Variants in PLCXD3 observed in about 807,000 individuals in gnomAD.
PLCXD3 encodes the protein PI-PLC X domain-containing protein 3.
PLCXD3 carries 19 observed loss-of-function variants against 25.5 expected under a neutral mutation model. That is an observed-to-expected ratio of 0.75 (90% CI 0.52 to 1.09). The LOEUF is 1.09. Ranked by LOEUF, PLCXD3 falls within the 50% of genes least tolerant of loss-of-function variation. The pLI is 0.00. For missense variants in PLCXD3, 411 were observed against 388.1 expected (o/e 1.06, Z -0.50); for synonymous variants, 174 against 137.6 (o/e 1.26, Z -1.85).
chr5:41,435,389 A>C (rs922497798), intron 1 of PLCXD3, among the ~76,000 whole-genome samples: 8 of 152,212 alleles, frequency 5.3e-5, no homozygotes, highest in Admixed American at 4.6e-4. Context: ...AAAAAAGTCA[A>C]CCTGCCCTTG....
intron 2 of PLCXD3, among the ~76,000 whole-genome samples, chr5:41,375,724 A>G (rs1220217127): frequency 6.6e-6 from 1 of 152,034 alleles, no homozygotes; most frequent in Non-Finnish European, 1.5e-5. Context: ...AGCATAATTT[A>G]CTTTCCTAAA....
chr5:41,460,466 G>C (rs907898299), intron 1 of PLCXD3, among the ~76,000 whole-genome samples: 3 of 151,930 alleles, frequency 2.0e-5, no homozygotes, highest in Non-Finnish European at 4.4e-5. Context: ...AGTGAGGGCT[G>C]TCAAATACCA....
intron 2 of PLCXD3, among the ~76,000 whole-genome samples, chr5:41,334,233 T>G (rs1743915710): frequency 6.6e-6 from 1 of 151,850 alleles, no homozygotes; most frequent in South Asian, 2.1e-4. Context: ...TTTTCTCCAT[T>G]TGTAAGATTA....
intron 2 of PLCXD3, among the ~76,000 whole-genome samples, chr5:41,362,276 T>C (rs1744804869): frequency 6.6e-6 from 1 of 152,128 alleles, no homozygotes; most frequent in Non-Finnish European, 1.5e-5. Context: ...CAGATCTTCA[T>C]CAGAGACAAC....
rs552828618 is a variant in PLCXD3, at chr5:41,391,167, A to G, written c.104-8633T>C. Reference sequence around the variant, plus strand: ...AAGGACTGCAATTCAGGCAAGTCCTATAGCTGAATTCAGCCCAGGGACAGT... The same window carrying G: ...AAGGACTGCAATTCAGGCAAGTCCTGTAGCTGAATTCAGCCCAGGGACAGT... On this transcript the variant is annotated intron_variant, in intron 1 of 2. Coordinates refer to ENST00000377801, the MANE Select transcript of PLCXD3 (RefSeq NM_001005473.3). Among the ~76,000 whole-genome samples, 4 of 152,306 alleles carry G rather than the reference A, an allele frequency of 2.6e-5. No homozygotes were observed. In the South Asian group the frequency reaches 8.3e-4, roughly 32 times the overall value.
At chr5:41,484,575 G>A (rs1452264114) in intron 1 of PLCXD3, among the ~76,000 whole-genome samples, 1 of 152,082 alleles carries the variant, frequency 6.6e-6, no homozygotes, top group Non-Finnish European at 1.5e-5. Flanking sequence ...TAAATGGTAA[G>A]ATTGCTTTTG....
intron 2 of PLCXD3, among the ~76,000 whole-genome samples, chr5:41,323,684 G>T (rs1743542356): frequency 6.6e-6 from 1 of 152,154 alleles, no homozygotes; most frequent in Non-Finnish European, 1.5e-5. Context: ...ATCCAGACCA[G>T]AGATAGTGGT....
intron 1 of PLCXD3, among the ~76,000 whole-genome samples, chr5:41,392,591 C>T (rs1180638470): frequency 6.6e-6 from 1 of 152,056 alleles, no homozygotes; most frequent in Non-Finnish European, 1.5e-5. Flanking sequence ...AAAAAGATAG[C>T]TACAAATAAG....
intron 2 of PLCXD3, among the ~76,000 whole-genome samples, chr5:41,361,591 A>C (rs997702134): frequency 6.6e-6 from 1 of 152,158 alleles, no homozygotes; most frequent in African/African-American, 2.4e-5. Flanking sequence ...TAAACCCCAC[A>C]AAAAACATGA....
intron 1 of PLCXD3, among the ~76,000 whole-genome samples, chr5:41,417,387 C>T (rs528298614): frequency 2.6e-5 from 4 of 152,210 alleles, no homozygotes; most frequent in African/African-American, 9.6e-5. Context: ...TCCTCCTTTT[C>T]ATTCCAGGAA....
chr5:41,402,848 T>C (rs1238309518), intron 1 of PLCXD3, among the ~76,000 whole-genome samples: 1 of 152,084 alleles, frequency 6.6e-6, no homozygotes, highest in African/African-American at 2.4e-5. Context: ...TAATATTTAA[T>C]ATCATATCAT....
intron 1 of PLCXD3, among the ~76,000 whole-genome samples, chr5:41,424,055 A>G (rs1233028594): frequency 2.0e-5 from 3 of 152,114 alleles, no homozygotes; most frequent in Non-Finnish European, 4.4e-5. Context: ...AGATCTCCAG[A>G]AATTATTTGT....
intron 1 of PLCXD3, among the ~76,000 whole-genome samples, chr5:41,383,128 G>A (rs921315531): frequency 6.6e-6 from 1 of 152,100 alleles, no homozygotes; most frequent in Non-Finnish European, 1.5e-5. Flanking sequence ...TTGTGTTTGG[G>A]CAATTGTAAA....
At chr5:41,390,930 G>A (rs1201981326) in intron 1 of PLCXD3, among the ~76,000 whole-genome samples, 1 of 152,150 alleles carries the variant, frequency 6.6e-6, no homozygotes, top group Non-Finnish European at 1.5e-5. Context: ...GCAATTGTGA[G>A]GCATTGAACT....
intron 1 of PLCXD3, among the ~76,000 whole-genome samples, chr5:41,401,629 G>C (rs1247785151): frequency 4.0e-5 from 6 of 151,856 alleles, no homozygotes; most frequent in African/African-American, 1.5e-4. Context: ...CTTGCTTTCT[G>C]GTTTTCTCAT....
In PLCXD3 at chr5:41,478,742, G is replaced by A. The variant is rs528215399; in HGVS notation, c.103+31682C>T. ...CTGCTATGAAGAACTACTGGAGACT[G>A]GGTAATTTATGAAGAAAAGAGATTT... On this transcript the variant is annotated intron_variant, in intron 1 of 2. Transcript: ENST00000377801. Among the ~76,000 whole-genome samples, 6 of 152,280 alleles carry A rather than the reference G, an allele frequency of 3.9e-5. No homozygotes were observed. The East Asian group carries it at 9.6e-4, about 24-fold the overall frequency.
intron 1 of PLCXD3, among the ~76,000 whole-genome samples, chr5:41,427,444 T>C (rs956471888): frequency 5.3e-5 from 8 of 152,186 alleles, no homozygotes; most frequent in Non-Finnish European, 1.2e-4. Context: ...TAGTATTTTC[T>C]TTATCCTTTC....
At chr5:41,353,226 G>A (rs1744522139) in intron 2 of PLCXD3, among the ~76,000 whole-genome samples, 1 of 151,634 alleles carries the variant, frequency 6.6e-6, no homozygotes, top group African/African-American at 2.4e-5. Context: ...CCGAGTAGCT[G>A]GGATTACAGG....
At chr5:41,500,564 G>GCA (rs3046192) in intron 1 of PLCXD3, among the ~76,000 whole-genome samples, 33,605 of 150,344 alleles carry the variant, frequency 0.22, 3,697 homozygotes, top group East Asian at 0.28. Flanking sequence ...TATATTATAT[G>GCA]CACACACACA....
Sources: allele counts gnomAD v4.1 joint callset (sites outside exome capture counted in the v4.1 genomes callset), GRCh38; gene constraint gnomAD v4.1.1; transcripts MANE v1.5; gene names NCBI Gene and HGNC (gene_info 2026-07-23, HGNC 2026-07-21).